The following KIAA1671 variants were observed in gnomAD, a reference collection of about 807,000 sequenced individuals.
KIAA1671 encodes the protein KIAA1671, also known as uncharacterized protein KIAA1671.
In KIAA1671, 52 loss-of-function variants were observed where a neutral mutation model predicts 131.2. That is an observed-to-expected ratio of 0.40 (90% CI 0.32 to 0.50). KIAA1671 has a LOEUF of 0.50. Ranked by LOEUF, KIAA1671 falls within the 20% of genes least tolerant of loss-of-function variation. The pLI, the probability that KIAA1671 is intolerant of heterozygous loss-of-function variation, is 0.73. For synonymous variants in KIAA1671, 1,003 were observed against 961.6 expected (o/e 1.04, Z -0.80); for missense variants, 2,360 against 2,364.2 (o/e 1.00, Z 0.04).
At chr22:24,985,690 G>A (rs780949267) in intron 1 of KIAA1671, among the ~76,000 whole-genome samples, 4 of 152,082 alleles carry the variant, frequency 2.6e-5, no homozygotes, top group Non-Finnish European at 4.4e-5. Context: ...CCTTTTGAGG[G>A]AGGAAGAGAG....
chr22:25,166,552 C>T (rs1023584209), intron 6 of KIAA1671, among the ~76,000 whole-genome samples: 2 of 152,102 alleles, frequency 1.3e-5, no homozygotes, highest in African/African-American at 4.8e-5. Flanking sequence ...AGGGGGATCC[C>T]CCTCTCTCAG....
chr22:25,015,412 T>C (rs1263153296), intron 1 of KIAA1671, among the ~76,000 whole-genome samples: 1 of 152,070 alleles, frequency 6.6e-6, no homozygotes, highest in Non-Finnish European at 1.5e-5. Flanking sequence ...AGCAGCTTAA[T>C]TAATGGTTTC....
chr22:25,156,578 CAT>C (rs751135063), intron 6 of KIAA1671, among the ~76,000 whole-genome samples: 1 of 151,660 alleles, frequency 6.6e-6, no homozygotes, highest in African/African-American at 2.4e-5. Flanking sequence ...TGTATATATA[CAT>C]ATATGTGTGC....
chr22:24,988,280 CAA>C (rs59935051), intron 1 of KIAA1671, among the ~76,000 whole-genome samples: 1,313 of 89,216 alleles, frequency 0.015, 18 homozygotes, highest in African/African-American at 0.046. Flanking sequence ...AACTCCATCT[CAA>C]AAAAAAAAAA....
intron 6 of KIAA1671, among the ~76,000 whole-genome samples, chr22:25,115,117 A>G (rs1311591674): frequency 6.6e-6 from 1 of 152,198 alleles, no homozygotes; most frequent in Non-Finnish European, 1.5e-5. Context: ...AAGAGGGAAA[A>G]CAAATGCTTT....
intron 6 of KIAA1671, among the ~76,000 whole-genome samples, chr22:25,076,486 C>T (rs1929114791): frequency 6.6e-6 from 1 of 152,146 alleles, no homozygotes; most frequent in East Asian, 1.9e-4. Context: ...CATAGCTGCA[C>T]TTCTCTTCTG....
intron 9 of KIAA1671, among the ~76,000 whole-genome samples, chr22:25,180,526 G>A (rs964596377): frequency 1.3e-5 from 2 of 148,886 alleles, no homozygotes; most frequent in Non-Finnish European, 3.0e-5. Flanking sequence ...AACAAAGCTA[G>A]ACTCTGTCTC....
At chr22:25,107,541 C>A (rs1427211701) in intron 6 of KIAA1671, among the ~76,000 whole-genome samples, 2 of 117,522 alleles carry the variant, frequency 1.7e-5, no homozygotes, top group African/African-American at 6.8e-5. Context: ...GTGGTGTGAT[C>A]ACAGCTCACT....
chr22:25,093,887 C>G (rs1181079607), intron 6 of KIAA1671, among the ~76,000 whole-genome samples: 2 of 28,238 alleles, frequency 7.1e-5, no homozygotes, highest in Non-Finnish European at 1.5e-4. Flanking sequence ...TCTCTCTCTC[C>G]CTTCTGCTTC....
chr22:25,024,594 T>C (rs1925836591), intron 1 of KIAA1671: 1 of 152,232 alleles, frequency 6.6e-6, no homozygotes. Context: ...ATGTCCCAGA[T>C]TGCTTAGAGT....
At chr22:25,166,319 C>G (rs1260802419) in intron 6 of KIAA1671, among the ~76,000 whole-genome samples, 1 of 152,038 alleles carries the variant, frequency 6.6e-6, no homozygotes, top group African/African-American at 2.4e-5. Flanking sequence ...GAGTTCAGAT[C>G]CCTGAACCTG....
chr22:25,179,315 C>A, intron 9 of KIAA1671: 1 of 1,583,868 alleles, frequency 6.3e-7, no homozygotes, highest in Non-Finnish European at 8.6e-7. Context: ...GCCCTTAGCC[C>A]GACATCTCCT....
chr22:24,976,492 C>A (rs1039206193), intron 1 of KIAA1671, among the ~76,000 whole-genome samples: 1 of 152,208 alleles, frequency 6.6e-6, no homozygotes, highest in Non-Finnish European at 1.5e-5. Context: ...TTGGGGGCAG[C>A]ATGGGGGTCT....
chr22:24,997,833 A>T lies in KIAA1671; in HGVS notation c.-207-27800A>T, dbSNP rs142863937. The stretch of plus-strand genomic sequence containing the variant: ...GCATATCAAGATATAGAACATTCTC[A>T]GGTCCCAGAGAGCATCTTTATACCC... On this transcript the variant is annotated intron_variant, in intron 1 of 12. Coordinates refer to ENST00000358431, the MANE Select transcript of KIAA1671 (RefSeq NM_001145206.2). Among the ~76,000 whole-genome samples the T allele has an allele frequency of 5.0e-3, 759 of 152,290 alleles. 11 individuals are homozygous for T. The highest frequency in any genetic ancestry group is 0.017 in the African/African-American group (724 of 41,558).
At chr22:25,006,245 CT>C (rs1924745610) in intron 1 of KIAA1671, among the ~76,000 whole-genome samples, 1 of 152,070 alleles carries the variant, frequency 6.6e-6, no homozygotes, top group African/African-American at 2.4e-5. Flanking sequence ...GTTGGCCAGG[CT>C]GGTCTCGAAC....
intron 1 of KIAA1671, among the ~76,000 whole-genome samples, chr22:25,004,941 G>C (rs1400327866): frequency 6.7e-6 from 1 of 148,764 alleles, no homozygotes; most frequent in Admixed American, 6.7e-5. Flanking sequence ...GTGAGATTCT[G>C]TCTCAAAAAG....
intron 1 of KIAA1671, among the ~76,000 whole-genome samples, chr22:25,000,756 A>G (rs1204993546): frequency 6.7e-6 from 1 of 148,598 alleles, no homozygotes; most frequent in Non-Finnish European, 1.5e-5. Flanking sequence ...GCCTCAAGTG[A>G]ATCCGCCTGC....
intron 6 of KIAA1671, among the ~76,000 whole-genome samples, chr22:25,159,332 G>A (rs1933356327): frequency 1.3e-5 from 2 of 152,160 alleles, no homozygotes; most frequent in African/African-American, 2.4e-5. Flanking sequence ...TGACTCATCT[G>A]CCCTGCAGAG....
chr22:25,038,532 A>G (rs544681466), intron 4 of KIAA1671, among the ~76,000 whole-genome samples: 27 of 152,358 alleles, frequency 1.8e-4, no homozygotes, highest in African/African-American at 6.3e-4. Flanking sequence ...ACATCAGGAT[A>G]GATACATTGC....
Sources: allele counts gnomAD v4.1 joint callset (sites outside exome capture counted in the v4.1 genomes callset), GRCh38; gene constraint gnomAD v4.1.1; transcripts MANE v1.5; gene names NCBI Gene and HGNC (gene_info 2026-07-23, HGNC 2026-07-21).